The following MYH6 variants were observed in gnomAD, a reference collection of about 807,000 sequenced individuals.
The protein encoded by MYH6 is myosin-6.
A neutral mutation model predicts 223.2 loss-of-function variants in MYH6; 126 were observed. The observed-to-expected ratio is 0.56, with a 90% CI of 0.49 to 0.65. MYH6 has a LOEUF of 0.65. Ranked by LOEUF, MYH6 falls within the 30% of genes least tolerant of loss-of-function variation. MYH6 has a pLI of 0.00. For missense variants in MYH6, 2,040 were observed against 2,536.4 expected (o/e 0.80, Z 4.20); for synonymous variants, 978 against 1,010.2 (o/e 0.97, Z 0.61).
Position 23,403,422 on chromosome 14 carries a change from A to G in MYH6, c.824T>C (p.Ile275Thr), listed in dbSNP as rs201327273. Residue 275 changes from isoleucine (I) to threonine (T), a missense_variant, in exon 10 of 39, where the codon ATC becomes ACC. Around this residue, in one of 4 missense-constraint regions of MYH6, gnomAD observed 649 missense variants for 877.3 expected, o/e 0.74. Transcript: ENST00000405093. The stretch of plus-strand genomic sequence containing the variant: ...GTTTCTCTCAGCTTTCAGCTGGAAG[A>G]TCACCCGGGACTTCTCCAGCAGGTC... ...ETYLLEKSRV[I>T]FQLKAERNYH... 1 of 1,614,046 alleles carries G rather than the reference A, an allele frequency of 6.2e-7. No individual in the cohort carries two copies. The highest frequency in any genetic ancestry group is 1.6e-4 in the Middle Eastern group (1 of 6,062).
In MYH6 at chr14:23,389,657, T is replaced by C. The variant is rs778488906; in HGVS notation, c.3795A>G (p.Leu1265=). The change falls in exon 27 of 39, where the codon CTA becomes CTG. Residue 1265 remains leucine, a synonymous_variant. Transcript: ENST00000405093. The part of the protein sequence containing the change: ...EDQANEYRVK[L]EEAQRSLNDF... ...CATTGAGGGAGCGTTGGGCCTCTTC[T>C]AGCTTCACGCGGTACTCATTGGCCT... The C allele has an allele frequency of 3.1e-6, 5 of 1,614,152 alleles. No homozygotes were observed. The highest frequency in any genetic ancestry group is 4.2e-6 in the Non-Finnish European group (5 of 1,180,026).
At chr14:23,400,667 A>G in intron 13 of MYH6, 42 bp downstream of exon 13, 2 of 1,614,096 alleles carry the variant, frequency 1.2e-6, no homozygotes, top group Non-Finnish European at 8.5e-7. Flanking sequence ...ATGTAGGAGC[A>G]AGCGAGTGAT....
chr14:23,402,467 C>T lies in MYH6; in HGVS notation c.1138G>A (p.Glu380Lys), dbSNP rs768924353. The part of the protein sequence containing the change: ...REEQAEPDGT[E>K]DADKSAYLMG... ...GCTGCCTGCCTGCCCCTCCCACCTT[C>T]GGTGCCGTCTGGCTCCGCCTGCTCC... Residue 380 changes from glutamate to lysine, a missense_variant, in exon 12 of 39, where the codon GAA becomes AAA. Transcript: ENST00000405093. 12 of 1,613,064 alleles carry T rather than the reference C, an allele frequency of 7.4e-6. No individual in the cohort carries two copies. Among genetic ancestry groups the T allele is most frequent in the Middle Eastern group, 1.8e-4 (1 of 5,506 alleles).
intron 37 of MYH6, among the ~76,000 whole-genome samples, chr14:23,382,995 A>G (rs1483084755): frequency 3.3e-5 from 5 of 152,152 alleles, no homozygotes; most frequent in Non-Finnish European, 7.3e-5. Flanking sequence ...ACTAGCATCT[A>G]CACTGCCTTC....
Position 23,388,913 on chromosome 14 carries a change from C to T in MYH6, c.4121G>A (p.Arg1374Lys). ...SKANSEVAQWRTKYETDAIQR... is the reference protein window; with the variant it reads ...SKANSEVAQWKTKYETDAIQR... Reference sequence around the variant, plus strand: ...AATGGCGTCCGTCTCATACTTGGTCCTCCACTGGGCCACCTCCGAGTTGGC... The same window carrying T: ...AATGGCGTCCGTCTCATACTTGGTCTTCCACTGGGCCACCTCCGAGTTGGC... The change falls in exon 29 of 39, where the codon AGG becomes AAG. Residue 1374 changes from arginine (R) to lysine (K), a missense_variant. By Grantham distance (26) the Arg-to-Lys change is conservative (BLOSUM62 2). Transcript: ENST00000405093. 1.2e-6 allele frequency: 2 copies of T among 1,613,798 alleles called. No homozygotes were observed. Among genetic ancestry groups the T allele is most frequent in the Non-Finnish European group, 1.7e-6 (2 of 1,180,032 alleles).
Position 23,392,636 on chromosome 14 carries a change from T to G in MYH6, c.3268A>C (p.Asn1090His). ...EKLKKKEFDI[N>H]QQNSKIEDEQ... ...TCCTCAATCTTACTGTTCTGCTGAT[T>G]AATGTCAAACTCCTTCCTGCAGGAG... Residue 1090 changes from asparagine to histidine, a missense_variant, in exon 25 of 39, where the codon AAT (asparagine) becomes CAT (histidine). By Grantham distance (68) the Asn-to-His change is moderately conservative. Around this residue, in one of 4 missense-constraint regions of MYH6, gnomAD observed 1,203 missense variants for 1,400.2 expected, o/e 0.86. Transcript: ENST00000405093. The G allele has an allele frequency of 6.2e-7, 1 of 1,602,410 alleles. No individual in the cohort carries two copies. Among genetic ancestry groups the G allele is most frequent in the Non-Finnish European group, 8.5e-7 (1 of 1,175,870 alleles).
chr14:23,390,779 G>GA (rs1410712080), intron 25 of MYH6, among the ~76,000 whole-genome samples: 1 of 152,178 alleles, frequency 6.6e-6, no homozygotes, highest in East Asian at 1.9e-4. Flanking sequence ...GTTGAAGGGG[G>GA]ATCCTGGTAT....
In MYH6 at chr14:23,396,426, G is replaced by A; in HGVS notation, c.2293-6C>T. The A allele has an allele frequency of 6.2e-7, 1 of 1,613,592 alleles. No homozygotes were observed. The highest frequency in any genetic ancestry group is 1.3e-5 in the African/African-American group (1 of 75,072). ...AGCCCTGCCTTGAAGAACACCTGCA[G>A]GCAAGGGGTAGATGCAACAGGCCGC... On this transcript the variant is annotated splice_polypyrimidine_tract_variant and splice_region_variant and intron_variant, in intron 19 of 38. Coordinates refer to ENST00000405093, the MANE Select transcript of MYH6 (RefSeq NM_002471.4).
chr14:23,397,579 C>T lies in MYH6; in HGVS notation c.1926G>A (p.Lys642=). 2 of 1,614,216 alleles carry T rather than the reference C, an allele frequency of 1.2e-6. No individual in the cohort carries two copies. Among genetic ancestry groups the T allele is most frequent in the Non-Finnish European group, 1.7e-6 (2 of 1,180,052 alleles). ...CCGACACCGTCTGGAAGGATGAGCCCTTTTTCTTGCCTCCTTTGCTTTTAC... is the reference window on the plus strand; with the variant it reads ...CCGACACCGTCTGGAAGGATGAGCCTTTTTTCTTGCCTCCTTTGCTTTTAC... ...DSGKSKGGKK[K]GSSFQTVSAL... is the part of the protein sequence containing the mutation. Residue 642 remains lysine, a synonymous_variant, in exon 16 of 39, where the codon AAG becomes AAA. Coordinates refer to ENST00000405093, the MANE Select transcript of MYH6 (RefSeq NM_002471.4).
In MYH6 at chr14:23,396,738, A is replaced by C. The variant is rs1423498819; in HGVS notation, c.2248T>G (p.Ser750Ala). The C allele has an allele frequency of 6.2e-7, 1 of 1,613,976 alleles. No homozygotes were observed. The highest frequency in any genetic ancestry group is 1.1e-5 in the South Asian group (1 of 91,072). The change falls in exon 19 of 39, where the codon TCT becomes GCT. Residue 750 changes from serine to alanine, a missense_variant. Coordinates refer to ENST00000405093, the MANE Select transcript of MYH6 (RefSeq NM_002471.4). ...SRKGTEKLLS[S>A]LDIDHNQYKF... Reference sequence around the variant, plus strand: ...TACTGGTTGTGATCAATGTCCAGAGAGCTGAGCAGCTTCTCTGTCCCCTTC... The same window carrying C: ...TACTGGTTGTGATCAATGTCCAGAGCGCTGAGCAGCTTCTCTGTCCCCTTC...
At position 23,405,671 on chromosome 14, in the gene MYH6, C is replaced by T. The variant is rs1004123964; in HGVS notation, c.301G>A (p.Val101Met). Reference protein sequence around the residue: ...AMLTFLHEPAVLFNLKERYAA... With the variant: ...AMLTFLHEPAMLFNLKERYAA... ...TAGCGCTCCTTGAGGTTGAAAAGCACCGCGGGCTCGTGCAGGAAGGTCAGC... is the reference window on the plus strand; with the variant it reads ...TAGCGCTCCTTGAGGTTGAAAAGCATCGCGGGCTCGTGCAGGAAGGTCAGC... Residue 101 changes from valine to methionine, a missense_variant, in exon 4 of 39, where the codon GTG becomes ATG. Val to Met is a conservative substitution (Grantham distance 21). This residue lies in a region of MYH6 where 184 missense variants were observed against 232.4 expected (regional missense o/e 0.79). Transcript: ENST00000405093. This position sits in a 1 kb window ranked among gnomAD's most constrained non-coding sequence, Gnocchi z 4.7. 1.2e-6 allele frequency: 2 copies of T among 1,614,170 alleles called. No individual in the cohort carries two copies. The highest frequency in any genetic ancestry group is 1.7e-6 in the Non-Finnish European group (2 of 1,180,008).
At position 23,400,374 on chromosome 14, in the gene MYH6, T is replaced by C. The variant is rs1891562100; in HGVS notation, c.1463A>G (p.Gln488Arg). The change falls in exon 14 of 39, where the codon CAG becomes CGG. Residue 488 changes from glutamine to arginine, a missense_variant. Gln to Arg is a conservative substitution (Grantham distance 43). Coordinates refer to ENST00000405093, the MANE Select transcript of MYH6 (RefSeq NM_002471.4). ...CINFTNEKLQ[Q>R]FFNHHMFVLE... The stretch of plus-strand genomic sequence containing the variant: ...CACGAACATGTGGTGGTTGAAGAAC[T>C]GCTGCAGCTTCTCGTTGGTGAAGTT... The C allele has an allele frequency of 3.1e-6, 5 of 1,614,214 alleles. No homozygotes were observed. Among genetic ancestry groups the C allele is most frequent in the Non-Finnish European group, 4.2e-6 (5 of 1,180,032 alleles).
chr14:23,394,375 A>G, intron 20 of MYH6, 52 bp from the exon 21 acceptor site: 8 of 1,610,746 alleles, frequency 5.0e-6, no homozygotes, highest in Non-Finnish European at 6.8e-6. Context: ...AGAGCTTCCC[A>G]ATCATGGGCC....
In MYH6 at chr14:23,388,564, C is replaced by A. The variant is rs1159363042; in HGVS notation, c.4176-226G>T. On this transcript the variant is annotated intron_variant, in intron 29 of 38. Transcript: ENST00000405093. ...GGGTGTCAGTGCCCCCTGCCCTCAC[C>A]CCCCACACAGGCTGATCGACGGTAG... 3 of 870,168 alleles carry A rather than the reference C, an allele frequency of 3.4e-6. No individual in the cohort carries two copies. The Admixed American group carries it at 5.1e-5, about 15-fold the overall frequency. 53.9% of individuals were successfully genotyped at this position (870,168 alleles called of 1,614,324 possible).
Position 23,400,306 on chromosome 14 carries a change from A to G in MYH6, c.1531T>C (p.Phe511Leu), listed in dbSNP as rs1319467982. 1 of 1,614,080 alleles carries G rather than the reference A, an allele frequency of 6.2e-7. No individual in the cohort carries two copies. Among genetic ancestry groups the G allele is most frequent in the Admixed American group, 1.7e-5 (1 of 60,002 alleles). The change falls in exon 14 of 39, where the codon TTC (phenylalanine) becomes CTC (leucine). Residue 511 changes from phenylalanine (F) to leucine (L), a missense_variant. By Grantham distance (22) the Phe-to-Leu change is conservative. Around this residue, in one of 4 missense-constraint regions of MYH6, gnomAD observed 649 missense variants for 877.3 expected, o/e 0.74. Transcript: ENST00000405093. Reference protein sequence around the residue: ...EYKKEGIEWTFIDFGMDLQAC... With the variant: ...EYKKEGIEWTLIDFGMDLQAC... The stretch of plus-strand genomic sequence containing the variant: ...TGCAGGTCCATGCCAAAGTCAATGA[A>G]TGTCCACTCAATGCCCTCCTTCTTG...
chr14:23,402,108 C>A (rs1891619471), intron 12 of MYH6, among the ~76,000 whole-genome samples: 1 of 152,250 alleles, frequency 6.6e-6, no homozygotes, highest in Non-Finnish European at 1.5e-5. Flanking sequence ...TGGCCCACTG[C>A]CTCCCAAACA....
In MYH6 at chr14:23,388,770, C is replaced by T. The variant is rs187522985; in HGVS notation, c.4175+89G>A. On this transcript the variant is annotated intron_variant, in intron 29 of 38. Transcript: ENST00000405093. ...GAGTTCCTCCTGTCTCTTCCACTTCCGTCTCATGACCACTTTGCCTGTCCC... is the reference window on the plus strand; with the variant it reads ...GAGTTCCTCCTGTCTCTTCCACTTCTGTCTCATGACCACTTTGCCTGTCCC... 3.8e-6 allele frequency: 6 copies of T among 1,579,410 alleles called. No homozygotes were observed. In the Admixed American group the frequency reaches 6.7e-5, roughly 18 times the overall value.
chr14:23,403,635 G>A, intron 9 of MYH6, 80 bp downstream of exon 9: 2 of 1,371,982 alleles, frequency 1.5e-6, no homozygotes, highest in Admixed American at 3.7e-5. Flanking sequence ...GAGATGGCAG[G>A]AATGATGAGA....
In MYH6 at chr14:23,389,458, G is replaced by A. The variant is rs763328656; in HGVS notation, c.3913C>T (p.Arg1305Trp). Residue 1305 changes from arginine to tryptophan, a missense_variant, in exon 28 of 39, where the codon CGG becomes TGG. This residue lies in a region of MYH6 where 1,203 missense variants were observed against 1,400.2 expected (regional missense o/e 0.86). Coordinates refer to ENST00000405093, the MANE Select transcript of MYH6 (RefSeq NM_002471.4). ...TGCTGGGTATAAGAGAGCTTCCCCCGGGTCAGCTGCGAGATTAGCGCCTCC... is the reference window on the plus strand; with the variant it reads ...TGCTGGGTATAAGAGAGCTTCCCCCAGGTCAGCTGCGAGATTAGCGCCTCC... ...EKEALISQLT[R>W]GKLSYTQQME... 6.2e-6 allele frequency: 10 copies of A among 1,614,044 alleles called. No individual in the cohort carries two copies. The highest frequency in any genetic ancestry group is 2.2e-5 in the East Asian group (1 of 44,878).
Sources: gnomAD v4.1 joint callset for allele counts (sites outside exome capture counted in the v4.1 genomes callset) on GRCh38, gnomAD v4.1.1 for gene constraint, gnomAD v4.1.1 regional missense constraint, Gnocchi (gnomAD v3.1) non-coding constraint, MANE v1.5 for transcripts, NCBI Gene and HGNC (gene_info 2026-07-23, HGNC 2026-07-21) for gene names.